Variants in C1orf141 observed in about 807,000 individuals in gnomAD.
The protein encoded by C1orf141 is chromosome 1 open reading frame 141.
A neutral mutation model predicts 23.2 loss-of-function variants in C1orf141; 19 were observed. The ratio of observed to expected loss-of-function variants is 0.82; its 90% CI spans 0.57 to 1.20. C1orf141 has a LOEUF of 1.20. Among genes scored for constraint, C1orf141 ranks in the 50% most tolerant of loss-of-function variants. The pLI is 0.00. For synonymous variants in C1orf141, 153 were observed against 154.6 expected (o/e 0.99, Z 0.08); for missense variants, 469 against 455.1 (o/e 1.03, Z -0.28).
chr1:67,134,679 T>G (rs996522228), intron 1 of C1orf141, among the ~76,000 whole-genome samples: 17 of 152,240 alleles, frequency 1.1e-4, no homozygotes, highest in African/African-American at 3.9e-4. Flanking sequence ...CTCATTAATA[T>G]TTAGTTTAGA....
chr1:67,113,019 G>A (rs565924756), intron 5 of C1orf141, among the ~76,000 whole-genome samples: 43 of 152,254 alleles, frequency 2.8e-4, no homozygotes, highest in Admixed American at 7.2e-4. Context: ...TTGCTCTGTC[G>A]CCCAGGCTGG....
Position 67,095,340 on chromosome 1 carries a change from T to A in C1orf141, c.498A>T (p.Ser166=). The A allele has an allele frequency of 6.3e-7, 1 of 1,585,662 alleles. No homozygotes were observed. Among genetic ancestry groups the A allele is most frequent in the Middle Eastern group, 1.7e-4 (1 of 5,998 alleles). ...ACGGGAGCAAGCTTTTCTTTCTTAC[T>A]GACCTATACTTACTTAATTGATAAT... ...VRNYQLSKYR[S]VRKKSLLPLC... Residue 166 remains serine (S), a synonymous_variant, in exon 7 of 8, where the codon TCA becomes TCT. Transcript: ENST00000684719.
intron 1 of C1orf141, among the ~76,000 whole-genome samples, chr1:67,131,596 C>T (rs1200396014): frequency 1.3e-5 from 2 of 152,022 alleles, no homozygotes; most frequent in African/African-American, 4.8e-5. Context: ...GCTCAGCCCA[C>T]CTTTCTAGTT....
rs756427697 is a variant in C1orf141 at position 67,093,416 on chromosome 1, A to G, written c.792T>C (p.Ser264=). The G allele has an allele frequency of 1.2e-6, 2 of 1,612,104 alleles. No homozygotes were observed. The highest frequency in any genetic ancestry group is 2.7e-5 in the African/African-American group (2 of 74,808). The change falls in exon 8 of 8, where the codon TCT becomes TCC. Residue 264 remains serine, a synonymous_variant. Transcript: ENST00000684719. ...LKSIIGNQSI[S]LFKPQKTMPT... is the part of the protein sequence containing the mutation. ...GCATAGTTTTTTGGGGTTTGAAAAGAGAAATAGATTGATTGCCAATTATAG... is the reference window on the plus strand; with the variant it reads ...GCATAGTTTTTTGGGGTTTGAAAAGGGAAATAGATTGATTGCCAATTATAG...
At chr1:67,125,615 C>A in intron 4 of C1orf141, 137 bp downstream of exon 4, 1 of 834,444 alleles carries the variant, frequency 1.2e-6, no homozygotes. Flanking sequence ...GGGAGAATCA[C>A]CTAAACCTGG....
At chr1:67,113,125 G>A (rs1646113176) in intron 5 of C1orf141, among the ~76,000 whole-genome samples, 1 of 151,944 alleles carries the variant, frequency 6.6e-6, no homozygotes, top group Non-Finnish European at 1.5e-5. Context: ...GATTACAAGT[G>A]TGCACCACCA....
chr1:67,104,843 C>T (rs989034996), intron 5 of C1orf141, among the ~76,000 whole-genome samples: 3 of 152,106 alleles, frequency 2.0e-5, no homozygotes, highest in Non-Finnish European at 2.9e-5. Context: ...AAGTTTACAA[C>T]AGCCAAATAA....
intron 1 of C1orf141, among the ~76,000 whole-genome samples, chr1:67,139,984 C>A (rs1056078804): frequency 2.6e-5 from 4 of 152,156 alleles, no homozygotes; most frequent in African/African-American, 9.7e-5. Flanking sequence ...CCTAAGCGAG[C>A]AAGCATAACC....
At chr1:67,131,786 CTTTTTTTTTTT>C (rs796496335) in intron 1 of C1orf141, among the ~76,000 whole-genome samples, 2 of 121,514 alleles carry the variant, frequency 1.6e-5, no homozygotes, top group Non-Finnish European at 3.4e-5. Context: ...ACTACCTCTT[CTTTTTTTTTTT>C]TTTTTTTTTT....
chr1:67,125,765 T>A lies in C1orf141; in HGVS notation c.220A>T (p.Thr74Ser), dbSNP rs1646396981. The change falls in exon 4 of 8, where the codon ACA (threonine) becomes TCA (serine). Residue 74 changes from threonine to serine, a missense_variant. Coordinates refer to ENST00000684719, the MANE Select transcript of C1orf141 (RefSeq NM_001276351.2). ...TATGATAGTTACATTTTTGATTTTG[T>A]AATGCTGCATGACTTGTCTTCTTTG... ...KIKEDKSCSI[T>S]KSKMHVSFKC... is the part of the protein sequence containing the mutation. The A allele has an allele frequency of 5.6e-6, 9 of 1,613,878 alleles. No homozygotes were observed. Among genetic ancestry groups the A allele is most frequent in the Non-Finnish European group, 5.9e-6 (7 of 1,179,790 alleles).
At chr1:67,135,906 C>CAAA (rs59519661), upstream of C1orf141, among the ~76,000 whole-genome samples, 8,368 of 62,388 alleles carry the variant, frequency 0.13, 1,507 homozygotes, top group Non-Finnish European at 0.14. Flanking sequence ...GGCAAAACTG[C>CAAA]AAAAAAAAAA....
intron 4 of C1orf141, among the ~76,000 whole-genome samples, chr1:67,125,335 A>C (rs1056895477): frequency 1.3e-5 from 2 of 152,218 alleles, no homozygotes; most frequent in African/African-American, 4.8e-5. Flanking sequence ...AACCCTTATA[A>C]CATATGCCAT....
At chr1:67,118,124 A>G (rs1646231498) in intron 4 of C1orf141, among the ~76,000 whole-genome samples, 1 of 152,186 alleles carries the variant, frequency 6.6e-6, no homozygotes, top group Non-Finnish European at 1.5e-5. Context: ...TTTTGTTAAA[A>G]TAAGTTGTTG....
At chr1:67,120,129 C>T (rs969922725) in intron 4 of C1orf141, among the ~76,000 whole-genome samples, 5 of 152,166 alleles carry the variant, frequency 3.3e-5, no homozygotes, top group Admixed American at 1.3e-4. Flanking sequence ...ATAGAGTTTG[C>T]TTGCATGGTT....
In C1orf141 at chr1:67,095,481, T is replaced by C. The variant is rs1645656358; in HGVS notation, c.417-60A>G. 5.2e-6 allele frequency: 5 copies of C among 968,040 alleles called. No homozygotes were observed. The Admixed American group carries it at 1.6e-4, about 32-fold the overall frequency. 60.0% of individuals were successfully genotyped at this position (968,040 alleles called of 1,614,324 possible). On this transcript the variant is annotated intron_variant, in intron 6 of 7. Coordinates refer to ENST00000684719, the MANE Select transcript of C1orf141 (RefSeq NM_001276351.2). The stretch of plus-strand genomic sequence containing the variant: ...GGGCTGATTACAGCTTGTCAGTTCT[T>C]GTCTGCCTCCTTTTATCCCTGGAAG...
chr1:67,094,425 A>G (rs1570670847), intron 7 of C1orf141: 1 of 152,406 alleles, frequency 6.6e-6, no homozygotes, highest in Non-Finnish European at 1.5e-5. Flanking sequence ...CGGTTAGGAC[A>G]TAGGCATTTG....
In C1orf141 at chr1:67,140,167, A is replaced by C. The variant is rs1477057159; in HGVS notation, c.-103-8940T>G. Among the ~76,000 whole-genome samples, 5 of 152,212 alleles carry C rather than the reference A, an allele frequency of 3.3e-5. No homozygotes were observed. The East Asian group carries it at 7.7e-4, about 23-fold the overall frequency. On this transcript the variant is annotated intron_variant, in intron 1 of 7. Transcript: ENST00000371007. ...CATTTTCAGATATTCTGTTACAAGC[A>C]ACAGAAAATGGACTAAGATAGCATC...
At chr1:67,097,363 G>A (rs1249247605) in intron 5 of C1orf141, among the ~76,000 whole-genome samples, 1 of 152,186 alleles carries the variant, frequency 6.6e-6, no homozygotes, top group Admixed American at 6.6e-5. Context: ...GGCTATAGAA[G>A]GCCTCTTTTA....
intron 5 of C1orf141, among the ~76,000 whole-genome samples, chr1:67,109,326 CAAAAAAAAAAAAAAAAA>C (rs58157985): frequency 1.2e-5 from 1 of 83,426 alleles, no homozygotes; most frequent in Non-Finnish European, 2.2e-5. Flanking sequence ...GACTCCGTCT[CAAAAAAAAAAAAAAAAA>C]AAAAAAAAAA....
Sources: allele counts gnomAD v4.1 joint callset (sites outside exome capture counted in the v4.1 genomes callset), GRCh38; gene constraint gnomAD v4.1.1; transcripts MANE v1.5; gene names NCBI Gene and HGNC (gene_info 2026-07-23, HGNC 2026-07-21).